HCK: variants seen among roughly 807,000 people sequenced by gnomAD.
The protein encoded by HCK is HCK proto-oncogene, Src family tyrosine kinase.
Under a neutral mutation model 70.4 loss-of-function variants are expected in HCK, and 40 were observed. The ratio of observed to expected loss-of-function variants is 0.57; its 90% CI spans 0.44 to 0.74. HCK has a LOEUF of 0.74. Among genes scored for constraint, HCK ranks in the 30% least tolerant of loss-of-function variants. The pLI, the probability that HCK is intolerant of heterozygous loss-of-function variation, is 0.00. For missense variants in HCK, 568 were observed against 697.2 expected (o/e 0.81, Z 2.09); for synonymous variants, 245 against 263.2 (o/e 0.93, Z 0.67).
chr20:32,073,277 C>CA, intron 2 of HCK, 42 bp from the exon 3 acceptor site: 1 of 1,564,918 alleles, frequency 6.4e-7, no homozygotes, highest in Non-Finnish European at 8.8e-7. Flanking sequence ...GGTCCCCACA[C>CA]ATTGGTCAGA....
rs368022390 is a variant in HCK, at chr20:32,058,104, C to G, written c.62+5618C>G. On this transcript the variant is annotated intron_variant, in intron 1 of 12. Coordinates refer to ENST00000375852, the MANE Select transcript of HCK (RefSeq NM_002110.5). ...ACAGGAATCCCAGCCTCATCTCTACCATAGAAATGAAGAACAGTGGGTACA... is the reference window on the plus strand; with the variant it reads ...ACAGGAATCCCAGCCTCATCTCTACGATAGAAATGAAGAACAGTGGGTACA... 1.5e-3 allele frequency among the ~76,000 whole-genome samples: 233 copies of G among 152,234 alleles called. 2 individuals are homozygous for G. Among genetic ancestry groups the G allele is most frequent in the African/African-American group, 5.2e-3 (214 of 41,550 alleles).
intron 8 of HCK, 23 bp from the exon 9 acceptor site, chr20:32,086,605 C>G (rs2045790339): frequency 6.3e-7 from 1 of 1,586,236 alleles, no homozygotes; most frequent in East Asian, 2.3e-5. Flanking sequence ...TGACCACCTT[C>G]CCTGCTCTCT....
At chr20:32,087,885 G>A (rs1325977857) in intron 9 of HCK, among the ~76,000 whole-genome samples, 8 of 151,798 alleles carry the variant, frequency 5.3e-5, no homozygotes, top group Non-Finnish European at 7.4e-5. Context: ...CTTGTGATCC[G>A]CCCGCCTCAG....
chr20:32,061,822 G>A (rs1303664848), intron 1 of HCK, among the ~76,000 whole-genome samples: 1 of 152,108 alleles, frequency 6.6e-6, no homozygotes, highest in Non-Finnish European at 1.5e-5. Flanking sequence ...AGGCTGAGGA[G>A]GGGATCAGAT....
intron 10 of HCK, among the ~76,000 whole-genome samples, chr20:32,093,441 C>A (rs1431062452): frequency 6.6e-6 from 1 of 151,480 alleles, no homozygotes; most frequent in Non-Finnish European, 1.5e-5. Flanking sequence ...CCTGGGTTGT[C>A]CCCAGAAAGA....
intron 6 of HCK, among the ~76,000 whole-genome samples, chr20:32,083,601 T>G (rs1340656394): frequency 6.6e-6 from 1 of 152,216 alleles, no homozygotes; most frequent in African/African-American, 2.4e-5. Context: ...CTTTTAGCCG[T>G]CAGGCAATAG....
chr20:32,087,316 T>G (rs1011492788), intron 9 of HCK, among the ~76,000 whole-genome samples: 2 of 152,066 alleles, frequency 1.3e-5, no homozygotes, highest in Non-Finnish European at 2.9e-5. Context: ...GTTTGTTTGT[T>G]TTTTAGGGAC....
intron 9 of HCK, among the ~76,000 whole-genome samples, chr20:32,088,261 T>A (rs2045817451): frequency 6.6e-6 from 1 of 152,174 alleles, no homozygotes; most frequent in Non-Finnish European, 1.5e-5. Context: ...TTAGTGCGAT[T>A]TGAAACCTCA....
At chr20:32,059,351 C>A (rs1400722202) in intron 1 of HCK, among the ~76,000 whole-genome samples, 1 of 149,092 alleles carries the variant, frequency 6.7e-6, no homozygotes, top group African/African-American at 2.5e-5. Context: ...TCCTTCCCCC[C>A]TTCTCCTCCT....
chr20:32,095,847 T>G (rs1211426691), intron 11 of HCK, among the ~76,000 whole-genome samples: 1 of 151,934 alleles, frequency 6.6e-6, no homozygotes, highest in Non-Finnish European at 1.5e-5. Flanking sequence ...CTTTAGTTTC[T>G]GTTAGCCTAA....
chr20:32,056,374 G>C (rs1286611903), intron 1 of HCK, among the ~76,000 whole-genome samples: 1 of 152,036 alleles, frequency 6.6e-6, no homozygotes, highest in Non-Finnish European at 1.5e-5. Flanking sequence ...AAATTAGCCG[G>C]GCATTGTGGT....
intron 12 of HCK, among the ~76,000 whole-genome samples, chr20:32,100,812 C>T (rs765847910): frequency 2.0e-4 from 30 of 152,168 alleles, no homozygotes; most frequent in Non-Finnish European, 1.8e-4. Flanking sequence ...ACACAATAGA[C>T]GCTGAATCCA....
At position 32,088,560 on chromosome 20, in the gene HCK, C is replaced by A; in HGVS notation, c.1016-8C>A. 3 of 1,609,026 alleles carry A rather than the reference C, an allele frequency of 1.9e-6. No individual in the cohort carries two copies. The highest frequency in any genetic ancestry group is 2.2e-5 in the South Asian group (2 of 89,942). On this transcript the variant is annotated splice_region_variant and splice_polypyrimidine_tract_variant and intron_variant, in intron 9 of 12. Coordinates refer to ENST00000375852, the MANE Select transcript of HCK (RefSeq NM_002110.5). ...GTAGTAAATGTTCCTCCCCTCTCCC[C>A]CATATAGGAAGCTTGCTGGACTTTC...
chr20:32,080,246 T>G (rs887582921), intron 6 of HCK, among the ~76,000 whole-genome samples: 2 of 152,236 alleles, frequency 1.3e-5, no homozygotes, highest in Non-Finnish European at 2.9e-5. Context: ...GTCGCCAGGC[T>G]GGAGTGCAGT....
chr20:32,071,563 G>A, intron 1 of HCK, 99 bp from the exon 2 acceptor site: 7 of 1,501,962 alleles, frequency 4.7e-6, no homozygotes, highest in Non-Finnish European at 6.3e-6. Context: ...GCCAGTGGGA[G>A]CCAGCCCGGG....
rs186361342 is a variant in HCK, at chr20:32,091,550, A to G, written c.1093-2313A>G. Among the ~76,000 whole-genome samples, 184 of 152,298 alleles carry G rather than the reference A, an allele frequency of 1.2e-3. 1 individual carries two copies. Among genetic ancestry groups the G allele is most frequent in the African/African-American group, 4.1e-3 (169 of 41,556 alleles). On this transcript the variant is annotated intron_variant, in intron 10 of 12. Transcript: ENST00000375852. ...CATAACTTTTGTTAACTGTTCATCTAAGGACTCATAAATTTCCCACACTCC... is the reference window on the plus strand; with the variant it reads ...CATAACTTTTGTTAACTGTTCATCTGAGGACTCATAAATTTCCCACACTCC...
rs1568945704 is a variant in HCK at position 32,052,796 on chromosome 20, G to GT, written c.62+310_62+311insT. On this transcript the variant is annotated intron_variant, in intron 1 of 12. Coordinates refer to ENST00000375852, the MANE Select transcript of HCK (RefSeq NM_002110.5). ...GTTCCCCTTCTTGGGGGGGGGCGGG[G>GT]ATTTTTTTTTTAATTTAAAAAAGAA... 3.3e-4 allele frequency among the ~76,000 whole-genome samples: 37 copies of GT among 110,976 alleles called. 2 individuals are homozygous for GT. Among genetic ancestry groups the GT allele is most frequent in the African/African-American group, 1.5e-3 (27 of 17,962 alleles). The allele number at this position is 110,976 out of a possible 152,430, so 72.8% of individuals were successfully genotyped here. A position where few individuals can be genotyped will look rare whatever the true frequency, so the allele number is the denominator to read the frequency against.
intron 8 of HCK, among the ~76,000 whole-genome samples, chr20:32,085,254 T>C (rs1308156683): frequency 6.6e-6 from 1 of 152,234 alleles, no homozygotes; most frequent in African/African-American, 2.4e-5. Context: ...GGCTCACGCC[T>C]GTAATCCCAG....
At chr20:32,099,190 C>G in intron 12 of HCK, 55 bp downstream of exon 12, 1 of 1,567,580 alleles carries the variant, frequency 6.4e-7, no homozygotes, top group Non-Finnish European at 8.7e-7. Context: ...TGGCAATGGG[C>G]TCATCTCAAC....
Sources: gnomAD v4.1 joint callset for allele counts (sites outside exome capture counted in the v4.1 genomes callset) on GRCh38, gnomAD v4.1.1 for gene constraint, MANE v1.5 for transcripts, NCBI Gene and HGNC (gene_info 2026-07-23, HGNC 2026-07-21) for gene names.